Variants in FANCC observed in about 807,000 individuals in gnomAD.
The protein encoded by FANCC is Fanconi anemia group C protein.
FANCC carries 55 observed loss-of-function variants against 71.3 expected under a neutral mutation model. The observed-to-expected ratio is 0.77, with a 90% CI of 0.62 to 0.97. The LOEUF is 0.97. FANCC is among the 50% of genes least tolerant of loss of function. The pLI is 0.00. For missense variants in FANCC, 678 were observed against 670.9 expected (o/e 1.01, Z -0.12); for synonymous variants, 275 against 244.9 (o/e 1.12, Z -1.15).
chr9:95,199,438 C>A (rs1184512658), intron 4 of FANCC, among the ~76,000 whole-genome samples: 1 of 152,140 alleles, frequency 6.6e-6, no homozygotes, highest in African/African-American at 2.4e-5. Flanking sequence ...CCTCTCCTCA[C>A]CTACTAAAGC....
chr9:95,162,709 T>G (rs980093801), intron 6 of FANCC, among the ~76,000 whole-genome samples: 2 of 152,206 alleles, frequency 1.3e-5, no homozygotes, highest in South Asian at 4.1e-4. Flanking sequence ...CCCTGATAAC[T>G]GGTGATGTTG....
chr9:95,277,304 C>T lies in FANCC; in HGVS notation c.-78-27935G>A, dbSNP rs147893182. On this transcript the variant is annotated intron_variant, in intron 1 of 14. Coordinates refer to ENST00000289081, the MANE Select transcript of FANCC (RefSeq NM_000136.3). The stretch of plus-strand genomic sequence containing the variant: ...TGGGTAGTGAGCTGCACCTTTTTTC[C>T]TAAATGGGAAAAGGGTTAAACATAA... 7.9e-5 allele frequency among the ~76,000 whole-genome samples: 12 copies of T among 152,064 alleles called. No homozygotes were observed. The East Asian group carries it at 2.1e-3, about 27-fold the overall frequency.
intron 6 of FANCC, among the ~76,000 whole-genome samples, chr9:95,153,049 C>T (rs1174721710): frequency 6.6e-6 from 1 of 152,166 alleles, no homozygotes; most frequent in Non-Finnish European, 1.5e-5. Flanking sequence ...GTTCGACAAG[C>T]TTGTTGTATG....
chr9:95,238,360 T>G (rs1363672393), intron 4 of FANCC, among the ~76,000 whole-genome samples: 1 of 152,190 alleles, frequency 6.6e-6, no homozygotes, highest in Non-Finnish European at 1.5e-5. Flanking sequence ...TAATCTGCCA[T>G]TATACCTTCT....
intron 4 of FANCC, among the ~76,000 whole-genome samples, chr9:95,235,838 C>T (rs1306930137): frequency 3.4e-5 from 3 of 89,486 alleles, no homozygotes; most frequent in Non-Finnish European, 6.0e-5. Context: ...GAGTGAAACT[C>T]CACCTCAAAA....
chr9:95,305,423 G>A (rs1163032681), intron 1 of FANCC, among the ~76,000 whole-genome samples: 1 of 152,204 alleles, frequency 6.6e-6, no homozygotes, highest in Non-Finnish European at 1.5e-5. Flanking sequence ...TACAGGTTTT[G>A]AATGCTTGTC....
intron 11 of FANCC, 53 bp from the exon 12 acceptor site, chr9:95,114,763 T>A: frequency 6.6e-7 from 1 of 1,504,340 alleles, no homozygotes. Flanking sequence ...GTCAAGCCCA[T>A]GAGGAACCAC....
chr9:95,147,070 TA>T (rs939673142), intron 7 of FANCC, among the ~76,000 whole-genome samples: 1 of 150,764 alleles, frequency 6.6e-6, no homozygotes, highest in East Asian at 1.9e-4. Flanking sequence ...TATTTTAATA[TA>T]TATTTTAGAT....
At chr9:95,121,097 T>C (rs537588969) in intron 10 of FANCC, among the ~76,000 whole-genome samples, 1 of 152,318 alleles carries the variant, frequency 6.6e-6, no homozygotes, top group South Asian at 2.1e-4. Context: ...TGCCTTCAAA[T>C]AGATTTTTAA....
At chr9:95,163,802 T>C (rs567191596) in intron 6 of FANCC, among the ~76,000 whole-genome samples, 3 of 152,334 alleles carry the variant, frequency 2.0e-5, no homozygotes, top group South Asian at 4.1e-4. Context: ...TGAGCCGAGA[T>C]TGCGCCATCG....
chr9:95,191,301 C>G (rs143429738), intron 4 of FANCC, among the ~76,000 whole-genome samples: 8 of 150,518 alleles, frequency 5.3e-5, no homozygotes, highest in Non-Finnish European at 8.9e-5. Context: ...CCCAGCCCAG[C>G]CCAGCCCCAG....
chr9:95,105,030 C>T (rs974713866), intron 14 of FANCC, among the ~76,000 whole-genome samples: 4 of 152,346 alleles, frequency 2.6e-5, no homozygotes, highest in African/African-American at 9.6e-5. Flanking sequence ...TATAAGAGTA[C>T]ACAATAGATT....
At chr9:95,271,657 C>T (rs913326568) in intron 1 of FANCC, among the ~76,000 whole-genome samples, 1 of 151,980 alleles carries the variant, frequency 6.6e-6, no homozygotes, top group Non-Finnish European at 1.5e-5. Flanking sequence ...AAACTAATAT[C>T]GCATCCTGCA....
intron 1 of FANCC, among the ~76,000 whole-genome samples, chr9:95,302,636 A>G (rs1203625921): frequency 3.3e-5 from 5 of 152,210 alleles, no homozygotes; most frequent in African/African-American, 9.6e-5. Flanking sequence ...TGCTCAGTAG[A>G]GCAGTGGGGT....
intron 1 of FANCC, among the ~76,000 whole-genome samples, chr9:95,313,342 T>C (rs1337458349): frequency 6.6e-6 from 1 of 152,054 alleles, no homozygotes; most frequent in African/African-American, 2.4e-5. Context: ...CTGGAGAAAG[T>C]ATGTGGAAGC....
At chr9:95,298,381 G>A (rs1341533159) in intron 1 of FANCC, among the ~76,000 whole-genome samples, 1 of 152,200 alleles carries the variant, frequency 6.6e-6, no homozygotes, top group African/African-American at 2.4e-5. Flanking sequence ...GAGTACAAGA[G>A]ACCTGGGGCA....
At position 95,312,400 on chromosome 9, in the gene FANCC, G is replaced by A. The variant is rs761495562; in HGVS notation, c.-79+5126C>T. On this transcript the variant is annotated intron_variant, in intron 1 of 14. Transcript: ENST00000289081. ...TTTTTTAGAGAGAGGGTCTCACTCT[G>A]TTGCCCAGGCTGGAATGCAATGGTA... is the stretch of plus-strand genomic sequence containing the variant. 3.4e-4 allele frequency among the ~76,000 whole-genome samples: 52 copies of A among 152,186 alleles called. 1 individual carries two copies. Among genetic ancestry groups the A allele is most frequent in the Non-Finnish European group, 1.8e-4 (12 of 68,028 alleles).
chr9:95,129,265 G>A (rs1826495204), intron 8 of FANCC, among the ~76,000 whole-genome samples: 1 of 152,150 alleles, frequency 6.6e-6, no homozygotes, highest in Non-Finnish European at 1.5e-5. Flanking sequence ...TAATTTCAGG[G>A]TCAGTGAGTC....
intron 11 of FANCC, among the ~76,000 whole-genome samples, chr9:95,114,932 A>G (rs2134637738): frequency 6.6e-6 from 1 of 152,284 alleles, no homozygotes; most frequent in East Asian, 1.9e-4. Flanking sequence ...AAAGAATCTA[A>G]TCTTTTAATT....
Sources: allele counts gnomAD v4.1 joint callset (sites outside exome capture counted in the v4.1 genomes callset), GRCh38; gene constraint gnomAD v4.1.1; transcripts MANE v1.5; gene names NCBI Gene and HGNC (gene_info 2026-07-23, HGNC 2026-07-21).